Variants in PCDH15 observed in about 807,000 individuals in gnomAD.
The protein encoded by PCDH15 is protocadherin related 15, also known as protocadherin-15.
PCDH15 carries 129 observed loss-of-function variants against 178.5 expected under a neutral mutation model. The ratio of observed to expected loss-of-function variants is 0.72; its 90% CI spans 0.63 to 0.84. PCDH15 has a LOEUF of 0.84. PCDH15 is among the 40% of genes least tolerant of loss of function. PCDH15 has a pLI of 0.00. For synonymous variants in PCDH15, 800 were observed against 732.0 expected, an observed-to-expected ratio of 1.09 and a Z score of -1.50; for missense variants, 2,230 against 2,099.9, an observed-to-expected ratio of 1.06 and a Z score of -1.21.
chr10:54,884,945 A>ACCT (rs141685673), intron 3 of PCDH15, among the ~76,000 whole-genome samples: 4,253 of 152,080 alleles, frequency 0.028, 78 homozygotes, highest in Non-Finnish European at 0.046. Context: ...GTAAAATATC[A>ACCT]CCTCTAATTC....
intron 2 of PCDH15, among the ~76,000 whole-genome samples, chr10:54,976,406 A>T (rs1839072380): frequency 6.6e-6 from 1 of 152,116 alleles, no homozygotes; most frequent in Non-Finnish European, 1.5e-5. Context: ...TACTCAAATC[A>T]GTCTCCCCAA....
chr10:55,014,709 T>G (rs1460601753), intron 2 of PCDH15, among the ~76,000 whole-genome samples: 1 of 152,160 alleles, frequency 6.6e-6, no homozygotes, highest in African/African-American at 2.4e-5. Flanking sequence ...GAATAAAAAA[T>G]GTTTCTTTAG....
intron 26 of PCDH15, among the ~76,000 whole-genome samples, chr10:53,897,776 G>C (rs1257056141): frequency 6.6e-6 from 1 of 152,050 alleles, no homozygotes; most frequent in Admixed American, 6.5e-5. Context: ...TAGGTAAGTA[G>C]AGTCATACAA....
intron 3 of PCDH15, among the ~76,000 whole-genome samples, chr10:54,493,953 G>A (rs975511022): frequency 2.0e-5 from 3 of 151,854 alleles, no homozygotes; most frequent in South Asian, 2.1e-4. Flanking sequence ...GGATGAAATC[G>A]GAAATCATCA....
intron 10 of PCDH15, 126 bp from the exon 11 acceptor site, chr10:54,196,015 G>A (rs1207159390): frequency 1.1e-5 from 8 of 756,928 alleles, no homozygotes; most frequent in South Asian, 5.2e-5. Context: ...GAAAAAATAC[G>A]TTAAAGGGCC....
upstream of PCDH15, chr10:54,801,388 A>G (rs1429383926): frequency 6.6e-6 from 1 of 152,236 alleles, no homozygotes; most frequent in African/African-American, 2.4e-5. Context: ...CTGACTGGTG[A>G]GCGCTTTGCA....
chr10:55,594,817 T>TAC (rs1269997134), intron 2 of PCDH15, among the ~76,000 whole-genome samples: 1 of 152,088 alleles, frequency 6.6e-6, no homozygotes, highest in Non-Finnish European at 1.5e-5. Context: ...TGATACACTC[T>TAC]ACCAGTGTCA....
chr10:54,972,502 T>G (rs1838959846), intron 2 of PCDH15, among the ~76,000 whole-genome samples: 1 of 150,958 alleles, frequency 6.6e-6, no homozygotes, highest in Non-Finnish European at 1.5e-5. Context: ...ATCGCGTTAT[T>G]GCACTCCAGA....
rs1169534477 is a variant in PCDH15, at chr10:54,132,991, C to A, written c.1801G>T (p.Val601Leu). 2 of 1,614,022 alleles carry A rather than the reference C, an allele frequency of 1.2e-6. No individual in the cohort carries two copies. The highest frequency in any genetic ancestry group is 8.5e-7 in the Non-Finnish European group (1 of 1,179,936). The stretch of plus-strand genomic sequence containing the variant: ...TTTGGTGGAAGCACTTCAATATACA[C>A]AGTGCAGATGGAGTTCCTGCAGAGA... ...PAERRNSICT[V>L]YIEVLPPNNQ... Residue 601 changes from valine (V) to leucine (L), a missense_variant, in exon 15 of 38, where the codon GTG (valine) becomes TTG (leucine). Transcript: ENST00000644397.
chr10:54,108,716 G>T (rs944898546), intron 15 of PCDH15, among the ~76,000 whole-genome samples: 1 of 152,144 alleles, frequency 6.6e-6, no homozygotes, highest in African/African-American at 2.4e-5. Flanking sequence ...ACAACTCACA[G>T]GTCAGGGGGA....
intron 2 of PCDH15, among the ~76,000 whole-genome samples, chr10:54,620,501 T>C (rs1223814732): frequency 6.6e-6 from 1 of 152,072 alleles, no homozygotes; most frequent in Non-Finnish European, 1.5e-5. Flanking sequence ...TTCTTTTTAC[T>C]CTTTACTGAA....
At chr10:54,127,672 T>C (rs1780050445) in intron 15 of PCDH15, among the ~76,000 whole-genome samples, 1 of 152,178 alleles carries the variant, frequency 6.6e-6, no homozygotes, top group African/African-American at 2.4e-5. Flanking sequence ...TTTTCCTTTT[T>C]CTTGCTTTTG....
At chr10:55,107,754 C>T (rs984747703) in intron 2 of PCDH15, among the ~76,000 whole-genome samples, 1 of 151,726 alleles carries the variant, frequency 6.6e-6, no homozygotes, top group Non-Finnish European at 1.5e-5. Flanking sequence ...CCCTCAGCCT[C>T]CAAAAGTGCC....
At chr10:55,237,433 A>C (rs1038704681) in intron 1 of PCDH15, among the ~76,000 whole-genome samples, 1 of 152,140 alleles carries the variant, frequency 6.6e-6, no homozygotes, top group Non-Finnish European at 1.5e-5. Context: ...CTAGAATTTG[A>C]AGTATCTTTC....
chr10:54,307,104 G>GTA (rs1170885233), intron 8 of PCDH15, among the ~76,000 whole-genome samples: 1,857 of 26,498 alleles, frequency 0.07, 476 homozygotes, highest in Middle Eastern at 0.13. Context: ...GTGTGTGTGT[G>GTA]TATATATATA....
chr10:55,324,687 A>AT (rs897793346), intron 2 of PCDH15, among the ~76,000 whole-genome samples: 4 of 151,442 alleles, frequency 2.6e-5, no homozygotes, highest in African/African-American at 7.3e-5. Flanking sequence ...GAAAACTACA[A>AT]TTTTTTTTTA....
chr10:54,818,379 C>A (rs1056305970), intron 3 of PCDH15, among the ~76,000 whole-genome samples: 1 of 152,046 alleles, frequency 6.6e-6, no homozygotes, highest in South Asian at 2.1e-4. Flanking sequence ...CACAAATGTT[C>A]TTCTTTCAAC....
intron 2 of PCDH15, among the ~76,000 whole-genome samples, chr10:54,616,856 C>A (rs1192574241): frequency 6.6e-6 from 1 of 151,890 alleles, no homozygotes; most frequent in Non-Finnish European, 1.5e-5. Context: ...TCTTTGGATG[C>A]CCGCTTTTAC....
At chr10:53,960,740 A>G (rs947923062) in intron 22 of PCDH15, among the ~76,000 whole-genome samples, 2 of 152,178 alleles carry the variant, frequency 1.3e-5, no homozygotes, top group African/African-American at 4.8e-5. Flanking sequence ...GGTTAATGCT[A>G]ATTTACAAAC....
Sources: gnomAD v4.1 joint callset for allele counts (sites outside exome capture counted in the v4.1 genomes callset) on GRCh38, gnomAD v4.1.1 for gene constraint, MANE v1.5 for transcripts, NCBI Gene and HGNC (gene_info 2026-07-23, HGNC 2026-07-21) for gene names.